The following PRKX variants were observed in gnomAD, a reference collection of about 807,000 sequenced individuals.
The protein encoded by PRKX is protein kinase cAMP-dependent X-linked catalytic subunit.
In PRKX, 12 loss-of-function variants were observed where a neutral mutation model predicts 22.0. That is an observed-to-expected ratio of 0.54 (90% CI 0.35 to 0.88). The LOEUF (loss-of-function observed/expected upper bound fraction) is 0.88. Ranked by LOEUF, PRKX falls within the 40% of genes least tolerant of loss-of-function variation. The pLI is 0.01. For missense variants in PRKX, 217 were observed against 308.0 expected (o/e 0.70, Z 2.21); for synonymous variants, 134 against 137.7 (o/e 0.97, Z 0.19).
chrX:3,686,715 G>A (rs1339596855), intron 1 of PRKX, among the ~76,000 whole-genome samples: 6 of 109,872 alleles, frequency 5.5e-5, no homozygotes, highest in South Asian at 7.9e-4. Flanking sequence ...CTGCCACTAC[G>A]CCCGACTAAT....
intron 1 of PRKX, among the ~76,000 whole-genome samples, chrX:3,680,904 T>C (rs1928059202): frequency 9.2e-6 from 1 of 109,197 alleles, no homozygotes; most frequent in African/African-American, 3.3e-5. Flanking sequence ...AACATAGAGA[T>C]CTCATCCCTA....
intron 4 of PRKX, among the ~76,000 whole-genome samples, chrX:3,637,729 G>A (rs35776967): frequency 0.15 from 16,861 of 109,999 alleles, 1,279 homozygotes; most frequent in Admixed American, 0.34. Context: ...ATTGGGAGAC[G>A]GTTATTCATT....
At chrX:3,675,777 A>ATG (rs1927940770) in intron 1 of PRKX, among the ~76,000 whole-genome samples, 1 of 111,461 alleles carries the variant, frequency 9.0e-6, no homozygotes, top group African/African-American at 3.3e-5. Flanking sequence ...GTTCACGCAC[A>ATG]TATTGAAATA....
At chrX:3,616,728 T>G (rs1926428312) in intron 6 of PRKX, among the ~76,000 whole-genome samples, 1 of 112,319 alleles carries the variant, frequency 8.9e-6, no homozygotes, top group African/African-American at 3.2e-5. Flanking sequence ...ATGTGAATTT[T>G]TTCTATTGTT....
chrX:3,653,950 A>T (rs190230098), intron 3 of PRKX, among the ~76,000 whole-genome samples: 1,341 of 44,975 alleles, frequency 0.03, no homozygotes, highest in East Asian at 0.11. Flanking sequence ...TGATATATAT[A>T]ATATATATTA....
Position 3,608,809 on chromosome X carries a change from A to G in PRKX, c.*160T>C, listed in dbSNP as rs1286411917. 1 of 112,251 alleles carries G rather than the reference A, an allele frequency of 8.9e-6. No homozygotes were observed. Among genetic ancestry groups the G allele is most frequent in the Admixed American group, 9.5e-5 (1 of 10,538 alleles). 9.3% of individuals were successfully genotyped at this position (112,251 alleles called of 1,213,427 possible). A position where few individuals can be genotyped will look rare whatever the true frequency, so the allele number is the denominator to read the frequency against. On this transcript the variant is annotated 3_prime_UTR_variant, in exon 9 of 9. Coordinates refer to ENST00000262848, the MANE Select transcript of PRKX (RefSeq NM_005044.5). ...AAATAATGCCAGTTCCATGAATTTC[A>G]ACTGTGCTCTAATCTATTTCTATAC... is the stretch of plus-strand genomic sequence containing the variant.
intron 3 of PRKX, among the ~76,000 whole-genome samples, chrX:3,652,223 C>T (rs866406355): frequency 3.6e-5 from 4 of 110,387 alleles, no homozygotes; most frequent in Non-Finnish European, 5.7e-5. Context: ...TTGAGACCAT[C>T]CTGGCTAACA....
At chrX:3,631,489 AGAGCC>A (rs1344042252) in intron 4 of PRKX, among the ~76,000 whole-genome samples, 1 of 103,637 alleles carries the variant, frequency 9.6e-6, no homozygotes, top group African/African-American at 3.6e-5. Context: ...ATCCTCCCCT[AGAGCC>A]TCCAGAGGGA....
chrX:3,640,381 T>G (rs1927052753), intron 4 of PRKX, among the ~76,000 whole-genome samples: 1 of 111,492 alleles, frequency 9.0e-6, no homozygotes, highest in African/African-American at 3.3e-5. Flanking sequence ...TCCTACAGGT[T>G]CCTATCTGGA....
intron 3 of PRKX, among the ~76,000 whole-genome samples, chrX:3,645,092 G>T (rs1384111078): frequency 1.8e-5 from 2 of 111,584 alleles, no homozygotes; most frequent in African/African-American, 6.5e-5. Context: ...GATGCTGACT[G>T]CGTGAATGAA....
At chrX:3,640,238 G>A (rs1292469359) in intron 4 of PRKX, among the ~76,000 whole-genome samples, 7 of 109,794 alleles carry the variant, frequency 6.4e-5, no homozygotes, top group African/African-American at 1.7e-4. Context: ...GTGGCAAAGC[G>A]CGGCAGAGGC....
chrX:3,692,369 C>T (rs1238248320), intron 1 of PRKX, among the ~76,000 whole-genome samples: 1 of 109,937 alleles, frequency 9.1e-6, no homozygotes, highest in Non-Finnish European at 1.9e-5. Context: ...GGAAGGCCGG[C>T]CCCCAGTTGA....
intron 1 of PRKX, among the ~76,000 whole-genome samples, chrX:3,676,396 C>T (rs1301117400): frequency 1.8e-5 from 2 of 111,704 alleles, no homozygotes; most frequent in African/African-American, 3.3e-5. Context: ...TGCTAGATTG[C>T]AAAACCCAAG....
rs1048669302 is a variant in PRKX, at chrX:3,628,580, A to G, written c.720-2066T>C. Among the ~76,000 whole-genome samples the G allele has an allele frequency of 1.3e-4, 15 of 111,193 alleles. 1 individual carries two copies. The highest frequency in any genetic ancestry group is 8.7e-4 in the Admixed American group (9 of 10,329). ...TATGGCAAAACCCAGTCTTAAAAAA[A>G]TATATATTAGCTGAGTGTGGTGGTG... is the stretch of plus-strand genomic sequence containing the variant. On this transcript the variant is annotated intron_variant, in intron 4 of 8. Transcript: ENST00000262848.
chrX:3,650,297 G>A (rs1438415156), intron 3 of PRKX, among the ~76,000 whole-genome samples: 12 of 108,500 alleles, frequency 1.1e-4, no homozygotes, highest in African/African-American at 2.7e-4. Flanking sequence ...CGAGGCGGGC[G>A]GATCACGAGG....
chrX:3,657,387 C>T (rs186884076), intron 2 of PRKX, among the ~76,000 whole-genome samples: 17 of 111,140 alleles, frequency 1.5e-4, no homozygotes, highest in Non-Finnish European at 2.8e-4. Flanking sequence ...CACAGAGGGA[C>T]GACCACGTGA....
intron 1 of PRKX, among the ~76,000 whole-genome samples, chrX:3,697,375 T>C (rs191876360): frequency 1.6e-4 from 18 of 110,772 alleles, no homozygotes; most frequent in African/African-American, 5.9e-4. Flanking sequence ...CTAAAAAAAA[T>C]AGAAAGAAGT....
intron 1 of PRKX, 139 bp downstream of exon 1, chrX:3,712,949 C>T: frequency 1.3e-6 from 1 of 763,027 alleles, no homozygotes; most frequent in Non-Finnish European, 1.8e-6. Flanking sequence ...CAGGTGCAGC[C>T]CCGCACGGGG....
At chrX:3,650,159 A>G (rs1471386401) in intron 3 of PRKX, among the ~76,000 whole-genome samples, 1 of 110,262 alleles carries the variant, frequency 9.1e-6, no homozygotes, top group African/African-American at 3.3e-5. Context: ...AACAAAAAAC[A>G]AAGAAAGAAA....
Sources: gnomAD v4.1 joint callset for allele counts (sites outside exome capture counted in the v4.1 genomes callset) on GRCh38, gnomAD v4.1.1 for gene constraint, MANE v1.5 for transcripts, NCBI Gene and HGNC (gene_info 2026-07-23, HGNC 2026-07-21) for gene names.